CSMD1: variants seen among roughly 807,000 people sequenced by gnomAD.
The protein encoded by CSMD1 is CUB and sushi domain-containing protein 1.
In CSMD1, 213 loss-of-function variants were observed where a neutral mutation model predicts 417.5. That is an observed-to-expected ratio of 0.51 (90% confidence interval 0.46 to 0.57). The LOEUF is 0.57. Ranked by LOEUF, CSMD1 falls within the 20% of genes least tolerant of loss-of-function variation. The pLI is 0.00. For missense variants in CSMD1, 6,923 were observed against 4,529.7 expected, an observed-to-expected ratio of 1.53 and a Z score of -15.17; for synonymous variants, 2,862 against 1,736.8, an observed-to-expected ratio of 1.65 and a Z score of -16.11.
intron 2 of CSMD1, among the ~76,000 whole-genome samples, chr8:4,464,864 G>A (rs1365627085): frequency 6.6e-6 from 1 of 152,068 alleles, no homozygotes; most frequent in African/African-American, 2.4e-5. Context: ...TGCTGTGTTA[G>A]TTTTATTAGT....
At chr8:3,803,252 A>C (rs4545130) in intron 5 of CSMD1, among the ~76,000 whole-genome samples, 117,455 of 152,090 alleles carry the variant, frequency 0.77, 45,548 homozygotes, top group African/African-American at 0.83. Flanking sequence ...GCTTGGCATA[A>C]AGTCAGGAAC....
intron 1 of CSMD1, among the ~76,000 whole-genome samples, chr8:4,723,720 A>C (rs901236028): frequency 1.3e-5 from 2 of 151,770 alleles, no homozygotes; most frequent in Non-Finnish European, 2.9e-5. Context: ...ATACATAAAT[A>C]ATAATGAAAG....
chr8:3,186,410 G>T (rs1821761446), intron 36 of CSMD1, among the ~76,000 whole-genome samples: 1 of 152,132 alleles, frequency 6.6e-6, no homozygotes, highest in Admixed American at 6.6e-5. Context: ...ATAGTACACA[G>T]GCAGACAAAC....
At chr8:3,470,135 C>T (rs994131322) in intron 11 of CSMD1, among the ~76,000 whole-genome samples, 1 of 152,182 alleles carries the variant, frequency 6.6e-6, no homozygotes, top group African/African-American at 2.4e-5. Flanking sequence ...TCACCATCCT[C>T]TCCTCCCATC....
intron 6 of CSMD1, among the ~76,000 whole-genome samples, chr8:3,739,367 T>C (rs1011506001): frequency 2.0e-5 from 3 of 152,210 alleles, no homozygotes; most frequent in African/African-American, 4.8e-5. Context: ...AGTTAACCAC[T>C]TATTACACGT....
intron 5 of CSMD1, among the ~76,000 whole-genome samples, chr8:3,888,342 T>C (rs1024662723): frequency 6.6e-6 from 1 of 152,162 alleles, no homozygotes; most frequent in African/African-American, 2.4e-5. Context: ...AGTCAAAGGA[T>C]GGTGATTACT....
chr8:4,390,468 A>G (rs905274280), intron 3 of CSMD1, among the ~76,000 whole-genome samples: 1 of 147,786 alleles, frequency 6.8e-6, no homozygotes, highest in Non-Finnish European at 1.5e-5. Flanking sequence ...AACATAGTTA[A>G]GAAAACTGTT....
chr8:3,533,434 CTA>C (rs1353628810), intron 10 of CSMD1, among the ~76,000 whole-genome samples: 2 of 152,166 alleles, frequency 1.3e-5, no homozygotes, highest in African/African-American at 4.8e-5. Flanking sequence ...CTGTCAGCGT[CTA>C]TGAGTTTAAC....
intron 2 of CSMD1, among the ~76,000 whole-genome samples, chr8:4,467,684 T>C (rs1198513548): frequency 6.6e-6 from 1 of 152,164 alleles, no homozygotes; most frequent in Non-Finnish European, 1.5e-5. Flanking sequence ...AAGGTGCAAA[T>C]AGGGTTGGAC....
At chr8:4,028,480 A>G (rs1057383551) in intron 4 of CSMD1, among the ~76,000 whole-genome samples, 8 of 152,100 alleles carry the variant, frequency 5.3e-5, no homozygotes, top group African/African-American at 1.4e-4. Flanking sequence ...AGCAGATCTC[A>G]TAAGACTCTA....
chr8:3,919,476 C>A (rs1809075903), intron 5 of CSMD1, among the ~76,000 whole-genome samples: 1 of 152,000 alleles, frequency 6.6e-6, no homozygotes, highest in African/African-American at 2.4e-5. Context: ...GCTTTCTATT[C>A]TGTATTATTG....
At chr8:3,680,161 C>A (rs1317232837) in intron 7 of CSMD1, among the ~76,000 whole-genome samples, 1 of 151,992 alleles carries the variant, frequency 6.6e-6, no homozygotes, top group Non-Finnish European at 1.5e-5. Context: ...CAAAAACTAG[C>A]AGAAGGCAAG....
intron 1 of CSMD1, among the ~76,000 whole-genome samples, chr8:4,941,741 G>A (rs1292896817): frequency 6.6e-6 from 1 of 152,092 alleles, no homozygotes; most frequent in Non-Finnish European, 1.5e-5. Context: ...TGGGACCACA[G>A]GCATGTGCCA....
intron 51 of CSMD1, among the ~76,000 whole-genome samples, chr8:3,022,642 T>C (rs891565698): frequency 2.8e-5 from 4 of 143,488 alleles, no homozygotes; most frequent in African/African-American, 1.0e-4. Flanking sequence ...CAAATAAACA[T>C]AAACTCAAGA....
In CSMD1 at chr8:3,341,423, T is replaced by A. The variant is rs149380152; in HGVS notation, c.3631+1871A>T. ...CACCATGAGAAAATGAGACCAAGTGTTTACAAATGAGAAATCATTCCAACT... is the reference window on the plus strand; with the variant it reads ...CACCATGAGAAAATGAGACCAAGTGATTACAAATGAGAAATCATTCCAACT... On this transcript the variant is annotated intron_variant, in intron 23 of 69. Transcript: ENST00000635120. Among the ~76,000 whole-genome samples, 468 of 152,292 alleles carry A rather than the reference T, an allele frequency of 3.1e-3. 2 individuals carry two copies. Among genetic ancestry groups the A allele is most frequent in the African/African-American group, 0.01 (435 of 41,550 alleles).
Position 3,753,930 on chromosome 8 carries a change from C to T in CSMD1, c.931G>A (p.Val311Met). The T allele has an allele frequency of 6.2e-7, 1 of 1,603,402 alleles. No homozygotes were observed. The highest frequency in any genetic ancestry group is 2.2e-5 in the East Asian group (1 of 44,752). Residue 311 changes from valine to methionine, a missense_variant and splice_region_variant, in exon 6 of 70, where the codon GTG (valine) becomes ATG (methionine). Transcript: ENST00000635120. ...RRKGFNAQFQ[V>M]KKAIELKSRG... ...TTCTTATAAGATGGAGCATCCTTAC[C>T]TTGGAACTGAGCGTTAAATCCTTTG... is the stretch of plus-strand genomic sequence containing the variant.
intron 1 of CSMD1, among the ~76,000 whole-genome samples, chr8:4,895,161 A>C (rs753402540): frequency 6.6e-6 from 1 of 152,198 alleles, no homozygotes; most frequent in Non-Finnish European, 1.5e-5. Flanking sequence ...CTGTACAAAA[A>C]ATAATAACTA....
intron 1 of CSMD1, among the ~76,000 whole-genome samples, chr8:4,866,445 C>G (rs1241372547): frequency 6.6e-6 from 1 of 151,916 alleles, no homozygotes; most frequent in African/African-American, 2.4e-5. Context: ...GAAGTTTGTT[C>G]TATTCTCTTT....
intron 3 of CSMD1, among the ~76,000 whole-genome samples, chr8:4,103,555 A>T (rs984178914): frequency 2.6e-4 from 40 of 152,106 alleles, no homozygotes; most frequent in African/African-American, 9.4e-4. Flanking sequence ...TGACTGCATC[A>T]AAGTTTGATA....
Sources: allele counts gnomAD v4.1 joint callset (sites outside exome capture counted in the v4.1 genomes callset), GRCh38; gene constraint gnomAD v4.1.1; transcripts MANE v1.5; gene names NCBI Gene and HGNC (gene_info 2026-07-23, HGNC 2026-07-21).